Variants in RASA1 observed in about 807,000 individuals in gnomAD.
RASA1 encodes ras GTPase-activating protein 1.
Under a neutral mutation model 132.2 loss-of-function variants are expected in RASA1, and 25 were observed. The ratio of observed to expected loss-of-function variants is 0.19; its 90% CI spans 0.14 to 0.26. The LOEUF (loss-of-function observed/expected upper bound fraction) is 0.26, where lower values mean the gene tolerates loss of function less well. Ranked by LOEUF, RASA1 falls within the 10% of genes least tolerant of loss-of-function variation. The pLI is 1.00. For missense variants in RASA1, 964 were observed against 1,299.2 expected (o/e 0.74, Z 3.97); for synonymous variants, 477 against 449.9 (o/e 1.06, Z -0.76).
chr5:87,366,715 A>T (rs1760548554), intron 11 of RASA1, among the ~76,000 whole-genome samples: 1 of 152,218 alleles, frequency 6.6e-6, no homozygotes, highest in East Asian at 1.9e-4. Flanking sequence ...AACTAAACTC[A>T]AGTCTCTCAT....
chr5:87,293,298 G>T (rs1402889571), intron 1 of RASA1, among the ~76,000 whole-genome samples: 1 of 150,620 alleles, frequency 6.6e-6, no homozygotes, highest in Non-Finnish European at 1.5e-5. Flanking sequence ...TTCCTAATTT[G>T]CTCAGCGTTT....
At chr5:87,374,729 GTT>G (rs200643915) in intron 14 of RASA1, 109 bp from the exon 15 acceptor site, 23 of 1,151,434 alleles carry the variant, frequency 2.0e-5, no homozygotes, top group Admixed American at 4.9e-5. Context: ...CTAGCACACT[GTT>G]TTTTTTTTTA....
intron 4 of RASA1, among the ~76,000 whole-genome samples, chr5:87,337,459 G>A (rs1408599263): frequency 2.0e-5 from 3 of 152,010 alleles, no homozygotes; most frequent in Non-Finnish European, 2.9e-5. Context: ...TAAGAAAAAT[G>A]TTAACTGACA....
rs1187621828 is a variant in RASA1 at position 87,331,414 on chromosome 5, C to T, written c.606C>T (p.Gly202=). ...GCCTCAGGCAGGCAGGGAAGTCTGG[C>T]AGTTATCTTATAAGAGAGAGTGATC... ...EERLRQAGKS[G]SYLIRESDRR... Residue 202 remains glycine, a synonymous_variant, in exon 2 of 25, where the codon GGC becomes GGT. Coordinates refer to ENST00000274376, the MANE Select transcript of RASA1 (RefSeq NM_002890.3). 1 of 1,613,498 alleles carries T rather than the reference C, an allele frequency of 6.2e-7. No homozygotes were observed. Among genetic ancestry groups the T allele is most frequent in the Admixed American group, 1.7e-5 (1 of 59,996 alleles).
chr5:87,385,168 A>G (rs1344101306), intron 21 of RASA1, 133 bp from the exon 22 acceptor site: 2 of 692,352 alleles, frequency 2.9e-6, no homozygotes, highest in Admixed American at 5.0e-5. Flanking sequence ...TTTTCCAAAA[A>G]CATTCTGAGT....
chr5:87,307,042 C>CT (rs1561268983), intron 1 of RASA1, among the ~76,000 whole-genome samples: 2 of 151,994 alleles, frequency 1.3e-5, no homozygotes, highest in Admixed American at 6.6e-5. Context: ...TTTAGAAAAC[C>CT]TTTTTTGTAG....
At chr5:87,343,801 A>G (rs974046325) in intron 6 of RASA1, among the ~76,000 whole-genome samples, 2 of 152,198 alleles carry the variant, frequency 1.3e-5, no homozygotes, top group Non-Finnish European at 2.9e-5. Context: ...AATAGCCGAG[A>G]TGTTTAATCA....
At chr5:87,285,033 CATTTATTTATTTATTTATTTATTT>C (rs34217012) in intron 1 of RASA1, among the ~76,000 whole-genome samples, 16 of 137,060 alleles carry the variant, frequency 1.2e-4, no homozygotes, top group African/African-American at 3.8e-4. Flanking sequence ...ATAATGGTAC[CATTTATTTATTTATTTATTTATTT>C]ATTTATTTAT....
chr5:87,372,451 T>C (rs573750813), intron 13 of RASA1, among the ~76,000 whole-genome samples: 125 of 152,246 alleles, frequency 8.2e-4, no homozygotes, highest in African/African-American at 2.8e-3. Flanking sequence ...GCAGAAACGG[T>C]TCTGTTGGGC....
rs141250429 is a variant in RASA1, at chr5:87,346,350, C to A, written c.1050-322C>A. 7.9e-3 allele frequency among the ~76,000 whole-genome samples: 1,203 copies of A among 151,870 alleles called. 15 individuals are homozygous for A. Among genetic ancestry groups the A allele is most frequent in the African/African-American group, 0.028 (1,153 of 41,436 alleles). Reference sequence around the variant, plus strand: ...TGGAGTAGGCTCTATCTGTACTACTCCTCCTTCCCCTTACCCCACAAAAAG... The same window carrying A: ...TGGAGTAGGCTCTATCTGTACTACTACTCCTTCCCCTTACCCCACAAAAAG... On this transcript the variant is annotated intron_variant, in intron 6 of 24. Transcript: ENST00000274376.
At chr5:87,321,371 G>A (rs1756789930) in intron 1 of RASA1, among the ~76,000 whole-genome samples, 1 of 152,138 alleles carries the variant, frequency 6.6e-6, no homozygotes, top group African/African-American at 2.4e-5. Context: ...ATTCATTTCT[G>A]TCACTACCTA....
At chr5:87,317,538 A>G (rs1305208605) in intron 1 of RASA1, among the ~76,000 whole-genome samples, 6 of 151,728 alleles carry the variant, frequency 4.0e-5, no homozygotes, top group African/African-American at 7.3e-5. Context: ...TTGCCATTCT[A>G]TGATTGTAGA....
intron 1 of RASA1, among the ~76,000 whole-genome samples, chr5:87,283,304 T>C (rs1449472125): frequency 6.6e-6 from 1 of 151,930 alleles, no homozygotes; most frequent in Non-Finnish European, 1.5e-5. Flanking sequence ...TGATTGAAAA[T>C]TAAAAACCTT....
chr5:87,378,629 A>G (rs951412466), intron 18 of RASA1, 91 bp downstream of exon 18: 2 of 1,328,078 alleles, frequency 1.5e-6, no homozygotes, highest in African/African-American at 3.0e-5. Flanking sequence ...AGGAAAATAT[A>G]TTAAATTTCT....
intron 1 of RASA1, among the ~76,000 whole-genome samples, chr5:87,290,526 T>A (rs1440124713): frequency 6.6e-6 from 1 of 152,218 alleles, no homozygotes; most frequent in Non-Finnish European, 1.5e-5. Context: ...ACATTAGGGT[T>A]TATTCTTGGC....
In RASA1 at chr5:87,268,501, G is replaced by T; in HGVS notation, c.50G>T (p.Gly17Val). ...GAGGAGGGCGGCCCGGTAACAGCCG[G>T]AGCTGGAGGAGGCGGCGCGGCAGCG... ...GSEEGGPVTA[G>V]AGGGGAAAGS... Residue 17 changes from glycine (G) to valine (V), a missense_variant, in exon 1 of 25, where the codon GGA (glycine) becomes GTA (valine). By Grantham distance (109) the Gly-to-Val change is moderately radical (BLOSUM62 -3). This residue lies in a region of RASA1 where 326 missense variants were observed against 275.8 expected (regional missense o/e 1.18). Transcript: ENST00000274376. 2 of 1,564,430 alleles carry T rather than the reference G, an allele frequency of 1.3e-6. No individual in the cohort carries two copies. Among genetic ancestry groups the T allele is most frequent in the Non-Finnish European group, 1.7e-6 (2 of 1,156,264 alleles).
chr5:87,350,080 A>G (rs1759148699), intron 8 of RASA1, among the ~76,000 whole-genome samples: 1 of 151,890 alleles, frequency 6.6e-6, no homozygotes, highest in Non-Finnish European at 1.5e-5. Flanking sequence ...TCAGTACCAC[A>G]GCAGTATTCT....
chr5:87,312,741 C>T (rs1033359590), intron 1 of RASA1, among the ~76,000 whole-genome samples: 7 of 152,134 alleles, frequency 4.6e-5, no homozygotes, highest in African/African-American at 1.7e-4. Flanking sequence ...TCTGTTTGGT[C>T]CTCTCAGCTT....
At chr5:87,338,536 A>ATATATATATATATATTTTTTTTT in intron 5 of RASA1, among the ~76,000 whole-genome samples, 1 of 85,222 alleles carries the variant, frequency 1.2e-5, no homozygotes, top group Non-Finnish European at 2.3e-5. Context: ...TATATATAAA[A>ATATATATATATATATTTTTTTTT]TTTTTTTTTT....
Sources: gnomAD v4.1 joint callset for allele counts (sites outside exome capture counted in the v4.1 genomes callset) on GRCh38, gnomAD v4.1.1 for gene constraint, gnomAD v4.1.1 regional missense constraint, MANE v1.5 for transcripts, NCBI Gene and HGNC (gene_info 2026-07-23, HGNC 2026-07-21) for gene names.